The following LHX8 variants were observed in gnomAD, a reference collection of about 807,000 sequenced individuals.
LHX8 encodes LIM homeobox 8.
In LHX8, 12 loss-of-function variants were observed where a neutral mutation model predicts 40.3. The observed-to-expected ratio is 0.30, with a 90% confidence interval of 0.19 to 0.48. The LOEUF (loss-of-function observed/expected upper bound fraction) is 0.48, where lower values mean the gene tolerates loss of function less well. Ranked by LOEUF, LHX8 falls within the 20% of genes least tolerant of loss-of-function variation. The pLI is 0.99. For synonymous variants in LHX8, 179 were observed against 162.0 expected, an observed-to-expected ratio of 1.10 and a Z score of -0.80; for missense variants, 344 against 433.7, an observed-to-expected ratio of 0.79 and a Z score of 1.84.
At chr1:75,198,638 C>T in the LHX8 span, among the ~76,000 whole-genome samples, 7 of 152,196 alleles carry the variant, frequency 4.6e-5, no homozygotes, top group Non-Finnish European at 7.3e-5. Flanking sequence ...TCACTGGGCT[C>T]TGTCATTTGC....
chr1:75,137,042 G>C (rs1303819890), intron 2 of LHX8, 58 bp from the exon 3 acceptor site: 4 of 1,539,148 alleles, frequency 2.6e-6, no homozygotes, highest in African/African-American at 2.7e-5. Flanking sequence ...TTGTGGGTAG[G>C]TGGGATGCGA....
the LHX8 span, among the ~76,000 whole-genome samples, chr1:75,199,165 G>T: frequency 6.6e-6 from 1 of 152,170 alleles, no homozygotes; most frequent in Non-Finnish European, 1.5e-5. Context: ...TTTTTCAATA[G>T]ATTTATGAAT....
rs1037349598 is a variant in LHX8, at chr1:75,134,615, G to C, written c.-352G>C. ...TGGTATGTGATAAGCAGCCCTAGCA[G>C]TGCCATGTATTGGAAGAACGATCAG... On this transcript the variant is annotated 5_prime_UTR_variant, in exon 1 of 9. Transcript: ENST00000356261. 1.3e-5 allele frequency among the ~76,000 whole-genome samples: 2 copies of C among 152,152 alleles called. No homozygotes were observed. Among genetic ancestry groups the C allele is most frequent in the African/African-American group, 2.4e-5 (1 of 41,444 alleles).
downstream of LHX8, among the ~76,000 whole-genome samples, chr1:75,164,532 T>C (rs371847652): frequency 2.6e-5 from 4 of 152,320 alleles, no homozygotes; most frequent in African/African-American, 7.2e-5. Context: ...TGAAATGCAT[T>C]GATTTCCCAC....
the LHX8 span, among the ~76,000 whole-genome samples, chr1:75,185,531 A>G: frequency 6.6e-6 from 1 of 150,678 alleles, no homozygotes; most frequent in African/African-American, 2.4e-5. Flanking sequence ...ACTAGGTATT[A>G]AGGGAACATA....
upstream of LHX8, chr1:75,131,130 C>T: frequency 3.1e-6 from 1 of 325,542 alleles, no homozygotes; most frequent in Non-Finnish European, 6.0e-6. Context: ...CTGGATGCGC[C>T]TCCTTTGACC....
At chr1:75,135,793 C>A (rs1648107457) in intron 1 of LHX8, among the ~76,000 whole-genome samples, 1 of 152,212 alleles carries the variant, frequency 6.6e-6, no homozygotes, top group Admixed American at 6.5e-5. Context: ...AAATTAAATT[C>A]AGCTGGATAT....
the LHX8 span, among the ~76,000 whole-genome samples, chr1:75,174,770 T>A: frequency 6.6e-6 from 1 of 152,200 alleles, no homozygotes; most frequent in Non-Finnish European, 1.5e-5. Flanking sequence ...ATAGAATATA[T>A]CTTCACAATT....
chr1:75,194,010 A>C, the LHX8 span, among the ~76,000 whole-genome samples: 6 of 152,212 alleles, frequency 3.9e-5, no homozygotes, highest in East Asian at 1.2e-3. Flanking sequence ...AGGGCTGCTT[A>C]AGGGGTTGCT....
intron 7 of LHX8, among the ~76,000 whole-genome samples, chr1:75,150,389 A>G (rs1648573177): frequency 1.3e-5 from 2 of 152,214 alleles, no homozygotes; most frequent in South Asian, 4.1e-4. Context: ...AACTATGCAA[A>G]CAGGTATTTG....
chr1:75,137,282 C>T, intron 3 of LHX8, 21 bp downstream of exon 3: 1 of 1,611,332 alleles, frequency 6.2e-7, no homozygotes, highest in African/African-American at 1.3e-5. Context: ...GCCTCGGGTG[C>T]GAGGCCCAAG....
chr1:75,160,734 A>G (rs1376822757), intron 8 of LHX8, 85 bp from the exon 9 acceptor site: 5 of 906,536 alleles, frequency 5.5e-6, no homozygotes, highest in Non-Finnish European at 9.3e-6. Context: ...TGATGAAAAC[A>G]ATGCCTTGGA....
the LHX8 span, among the ~76,000 whole-genome samples, chr1:75,167,230 CTG>C: frequency 3.9e-5 from 6 of 152,208 alleles, no homozygotes; most frequent in Non-Finnish European, 5.9e-5. Context: ...ACCATGGTGA[CTG>C]TGGGCAAGTT....
upstream of LHX8, chr1:75,132,298 C>A (rs1268074087): frequency 6.6e-6 from 1 of 152,332 alleles, no homozygotes. Context: ...CCTCTTCTTG[C>A]ACACTCGACC....
At chr1:75,164,645 TATACTC>T (rs1013809649), downstream of LHX8, among the ~76,000 whole-genome samples, 1 of 152,306 alleles carries the variant, frequency 6.6e-6, no homozygotes, top group East Asian at 1.9e-4. Context: ...TTTTTAATCT[TATACTC>T]AAAAATACAA....
chr1:75,148,377 A>AT (rs1371956593), intron 6 of LHX8, among the ~76,000 whole-genome samples: 17 of 152,172 alleles, frequency 1.1e-4, no homozygotes, highest in African/African-American at 1.4e-4. Flanking sequence ...ATTGAAATGG[A>AT]TTTTTTTAAA....
chr1:75,160,166 C>T (rs893253316), intron 8 of LHX8: 3 of 152,234 alleles, frequency 2.0e-5, no homozygotes, highest in African/African-American at 7.2e-5. Context: ...CTTTGTAAGT[C>T]CTCACTACTT....
At position 75,129,186 on chromosome 1, in the gene LHX8, C is replaced by T. The variant is rs547088104; in HGVS notation, c.-490+578C>T. On this transcript the variant is annotated intron_variant, in intron 1 of 9. Transcript: ENST00000294638. ...GCTCAAGTGTTAAAAATTTAAATTGCTCAAAATTCCATTACATATTTTACT... is the reference window on the plus strand; with the variant it reads ...GCTCAAGTGTTAAAAATTTAAATTGTTCAAAATTCCATTACATATTTTACT... Among the ~76,000 whole-genome samples the T allele has an allele frequency of 2.6e-5, 4 of 152,268 alleles. No individual in the cohort carries two copies. The East Asian group carries it at 7.7e-4, about 29-fold the overall frequency.
chr1:75,135,401 T>G (rs1648091557), intron 1 of LHX8, among the ~76,000 whole-genome samples: 1 of 152,260 alleles, frequency 6.6e-6, no homozygotes, highest in Non-Finnish European at 1.5e-5. Flanking sequence ...AAAGCGGAGC[T>G]GTTCTGTTTA....
Sources: gnomAD v4.1 joint callset for allele counts (sites outside exome capture counted in the v4.1 genomes callset) on GRCh38, gnomAD v4.1.1 for gene constraint, MANE v1.5 for transcripts, NCBI Gene and HGNC (gene_info 2026-07-23, HGNC 2026-07-21) for gene names.